The following CBLIF variants were observed in gnomAD, a reference collection of about 807,000 sequenced individuals.
The protein encoded by CBLIF is gastric intrinsic factor (vitamin B synthesis).
CBLIF carries 24 observed loss-of-function variants against 44.9 expected under a neutral mutation model. The ratio of observed to expected loss-of-function variants is 0.53; its 90% CI spans 0.39 to 0.75. The LOEUF (loss-of-function observed/expected upper bound fraction) is 0.75. Among genes scored for constraint, CBLIF ranks in the 30% least tolerant of loss-of-function variants. CBLIF has a pLI of 0.00. For synonymous variants in CBLIF, 183 were observed against 190.9 expected, an observed-to-expected ratio of 0.96 and a Z score of 0.34; for missense variants, 481 against 513.0, an observed-to-expected ratio of 0.94 and a Z score of 0.60.
chr11:59,840,061 A>T (rs981645096), intron 5 of CBLIF, among the ~76,000 whole-genome samples: 31 of 151,944 alleles, frequency 2.0e-4, no homozygotes, highest in African/African-American at 7.5e-4. Context: ...ATAGAAATGA[A>T]CTCTATTTTT....
intron 2 of CBLIF, 77 bp from the exon 3 acceptor site, chr11:59,843,218 C>G: frequency 1.2e-6 from 1 of 848,056 alleles, no homozygotes; most frequent in South Asian, 1.4e-5. Context: ...GATGAGTTCT[C>G]TGCTTTTTAT....
Position 59,841,387 on chromosome 11 carries a change from A to G in CBLIF, c.512-63T>C, listed in dbSNP as rs1866527193. 1.5e-5 allele frequency: 17 copies of G among 1,114,804 alleles called. No homozygotes were observed. The South Asian group carries it at 2.0e-4, about 13-fold the overall frequency. 69.1% of individuals were successfully genotyped at this position (1,114,804 alleles called of 1,614,324 possible). ...CATCACAGCAATATGAACAGCTAAC[A>G]TTTATTGTGTGCTTATTATATTCTG... On this transcript the variant is annotated intron_variant, in intron 4 of 8. Coordinates refer to ENST00000257248, the MANE Select transcript of CBLIF (RefSeq NM_005142.3).
intron 7 of CBLIF, among the ~76,000 whole-genome samples, chr11:59,833,996 T>G (rs1024779856): frequency 6.6e-6 from 1 of 152,224 alleles, no homozygotes; most frequent in African/African-American, 2.4e-5. Context: ...ACATGTTATG[T>G]GATCTTAGGA....
chr11:59,834,395 GTT>G (rs367748738), intron 7 of CBLIF, among the ~76,000 whole-genome samples: 836 of 52,080 alleles, frequency 0.016, 20 homozygotes, highest in African/African-American at 0.052. Context: ...CCTTTTTTTT[GTT>G]TTTTTTTTTT....
chr11:59,832,965 T>A (rs1242924870), intron 7 of CBLIF, among the ~76,000 whole-genome samples: 1 of 152,192 alleles, frequency 6.6e-6, no homozygotes, highest in African/African-American at 2.4e-5. Context: ...AAATTTTACA[T>A]GAAATATCTG....
At chr11:59,845,302 C>CA (rs1453392412) in intron 1 of CBLIF, 73 bp downstream of exon 1, 1 of 1,604,896 alleles carries the variant, frequency 6.2e-7, no homozygotes, top group Non-Finnish European at 8.5e-7. Flanking sequence ...TTCAACCACT[C>CA]AGTGTCAGAG....
Position 59,843,837 on chromosome 11 carries a change from G to A in CBLIF, c.256+42C>T. On this transcript the variant is annotated intron_variant, in intron 2 of 8. Transcript: ENST00000257248. Reference sequence around the variant, plus strand: ...TTGGAATCTGGAGGTGGTATGTGATGTGTGAGATTCAGGGAGAGTGCGAGC... The same window carrying A: ...TTGGAATCTGGAGGTGGTATGTGATATGTGAGATTCAGGGAGAGTGCGAGC... 2.7e-6 allele frequency: 4 copies of A among 1,459,434 alleles called. No individual in the cohort carries two copies. The South Asian group carries it at 3.4e-5, about 12-fold the overall frequency. The allele number at this position is 1,459,434 out of a possible 1,614,324, so 90.4% of individuals were successfully genotyped here. A position where few individuals can be genotyped will look rare whatever the true frequency, so the allele number is the denominator to read the frequency against.
At chr11:59,837,410 C>G in intron 5 of CBLIF, 59 bp from the exon 6 acceptor site, 2 of 1,232,392 alleles carry the variant, frequency 1.6e-6, no homozygotes, top group Non-Finnish European at 2.4e-6. Context: ...AGAGTTGGCT[C>G]TTACATGTCT....
chr11:59,840,989 A>G, intron 5 of CBLIF, 154 bp downstream of exon 5: 1 of 707,274 alleles, frequency 1.4e-6, no homozygotes, highest in Non-Finnish European at 2.6e-6. Context: ...GCATTTTACC[A>G]GTAGAGAAAC....
In CBLIF at chr11:59,844,295, G is replaced by A. The variant is rs577504377; in HGVS notation, c.80-240C>T. Among the ~76,000 whole-genome samples the A allele has an allele frequency of 1.4e-4, 22 of 152,142 alleles. 1 individual carries two copies. The South Asian group carries it at 2.9e-3, about 20-fold the overall frequency. ...TGGGATTACAGGTGTGCACCACCAC[G>A]CCAGGCTAATTTTTGTATTTTTAGT... On this transcript the variant is annotated intron_variant, in intron 1 of 8. Coordinates refer to ENST00000257248, the MANE Select transcript of CBLIF (RefSeq NM_005142.3).
intron 3 of CBLIF, chr11:59,842,799 G>C (rs1866555288): frequency 1.6e-6 from 1 of 641,718 alleles, no homozygotes; most frequent in African/African-American, 1.8e-5. Flanking sequence ...TCTTTAGACA[G>C]GTGATGGCTG....
Position 59,845,385 on chromosome 11 carries a change from C to T in CBLIF, c.69G>A (p.Gln23=). 6.2e-7 allele frequency: 1 copy of T among 1,611,994 alleles called. No individual in the cohort carries two copies. Among genetic ancestry groups the T allele is most frequent in the African/African-American group, 1.3e-5 (1 of 74,980 alleles). Residue 23 remains glutamine, a synonymous_variant, in exon 1 of 9, where the codon CAG becomes CAA. Transcript: ENST00000257248. ...WATAGTSTQT[Q]SSCSVPSAQE... Reference sequence around the variant, plus strand: ...AAACATCATACTCACAGCATGAACTCTGGGTCTGGGTACTAGTCCCAGCTG... The same window carrying T: ...AAACATCATACTCACAGCATGAACTTTGGGTCTGGGTACTAGTCCCAGCTG...
intron 5 of CBLIF, among the ~76,000 whole-genome samples, chr11:59,837,881 A>G (rs947069446): frequency 3.3e-5 from 5 of 152,200 alleles, no homozygotes; most frequent in Admixed American, 1.3e-4. Context: ...TGTACTAATC[A>G]GAATCATTCC....
intron 8 of CBLIF, among the ~76,000 whole-genome samples, chr11:59,830,775 T>C (rs1020960419): frequency 2.6e-5 from 4 of 152,232 alleles, no homozygotes; most frequent in Admixed American, 6.5e-5. Context: ...ATTTTAAAGC[T>C]GTGGAAACTG....
rs1440434494 is a variant in CBLIF at position 59,831,714 on chromosome 11, A to C, written c.1156T>G (p.Trp386Gly). 1 of 1,592,204 alleles carries C rather than the reference A, an allele frequency of 6.3e-7. No homozygotes were observed. The highest frequency in any genetic ancestry group is 1.7e-5 in the Admixed American group (1 of 59,986). The change falls in exon 8 of 9, where the codon TGG becomes GGG. Residue 386 changes from tryptophan to glycine, a missense_variant. Transcript: ENST00000257248. Reference protein sequence around the residue: ...IAENVNHKTYWQFLSGVTPLN... With the variant: ...IAENVNHKTYGQFLSGVTPLN... ...GGTGTTACACCACTAAGAAACTGCC[A>C]GTATGTCTTGTGATTAACATTTTCC...
chr11:59,834,467 A>G (rs1291086787), intron 7 of CBLIF, among the ~76,000 whole-genome samples: 2 of 139,692 alleles, frequency 1.4e-5, no homozygotes, highest in Non-Finnish European at 3.0e-5. Flanking sequence ...ATCTTGGCTC[A>G]CTGCAACCTC....
intron 7 of CBLIF, among the ~76,000 whole-genome samples, chr11:59,835,360 C>T (rs1348471739): frequency 2.0e-5 from 3 of 151,930 alleles, no homozygotes; most frequent in Non-Finnish European, 4.4e-5. Flanking sequence ...GGTGAAACTC[C>T]TGAGCTAAGA....
intron 4 of CBLIF, among the ~76,000 whole-genome samples, chr11:59,842,000 T>A (rs1288965809): frequency 6.6e-6 from 1 of 152,148 alleles, no homozygotes; most frequent in Non-Finnish European, 1.5e-5. Flanking sequence ...GAGTTAGGGT[T>A]CCGAGAGTAG....
rs748798442 is a variant in CBLIF at position 59,831,722 on chromosome 11, T to C, written c.1148A>G (p.Lys383Arg). The C allele has an allele frequency of 6.2e-7, 1 of 1,603,556 alleles. No individual in the cohort carries two copies. The highest frequency in any genetic ancestry group is 1.7e-5 in the Admixed American group (1 of 60,008). ...ACCACTAAGAAACTGCCAGTATGTC[T>C]TGTGATTAACATTTTCCGCGATATT... ...INNIAENVNH[K>R]TYWQFLSGVT... The change falls in exon 8 of 9, where the codon AAG becomes AGG. Residue 383 changes from lysine (K) to arginine (R), a missense_variant. Coordinates refer to ENST00000257248, the MANE Select transcript of CBLIF (RefSeq NM_005142.3).
Sources: allele counts gnomAD v4.1 joint callset (sites outside exome capture counted in the v4.1 genomes callset), GRCh38; gene constraint gnomAD v4.1.1; transcripts MANE v1.5; gene names NCBI Gene and HGNC (gene_info 2026-07-23, HGNC 2026-07-21).